FMNL2: variants seen among roughly 807,000 people sequenced by gnomAD.
FMNL2 encodes the protein formin-like protein 2.
FMNL2 carries 51 observed loss-of-function variants against 130.2 expected under a neutral mutation model. The observed-to-expected ratio is 0.39, with a 90% CI of 0.31 to 0.49. The LOEUF (loss-of-function observed/expected upper bound fraction) is 0.49. Among genes scored for constraint, FMNL2 ranks in the 20% least tolerant of loss-of-function variants. FMNL2 has a pLI of 0.85. For synonymous variants in FMNL2, 465 were observed against 467.1 expected, an observed-to-expected ratio of 1.00 and a Z score of 0.06; for missense variants, 977 against 1,316.2, an observed-to-expected ratio of 0.74 and a Z score of 3.99.
At position 152,519,805 on chromosome 2, in the gene FMNL2, A is replaced by G. The variant is rs1692982287; in HGVS notation, c.118-2138A>G. Among the ~76,000 whole-genome samples, 2 of 152,238 alleles carry G rather than the reference A, an allele frequency of 1.3e-5. 1 individual carries two copies. Among genetic ancestry groups the G allele is most frequent in the South Asian group, 4.1e-4 (2 of 4,836 alleles). ...TTGAATGGAGTACTTGGCACCTTGT[A>G]GGAGTTCAGGCATTCTTTTTCTTAT... On this transcript the variant is annotated intron_variant, in intron 1 of 25. Coordinates refer to ENST00000288670, the MANE Select transcript of FMNL2 (RefSeq NM_052905.4).
intron 1 of FMNL2, among the ~76,000 whole-genome samples, chr2:152,368,611 A>G (rs1478868563): frequency 2.6e-5 from 4 of 152,144 alleles, no homozygotes; most frequent in African/African-American, 7.2e-5. Context: ...CTTCAGGCTA[A>G]TTTTACAATA....
intron 1 of FMNL2, among the ~76,000 whole-genome samples, chr2:152,354,362 A>G (rs985236715): frequency 6.6e-6 from 1 of 150,768 alleles, no homozygotes; most frequent in Non-Finnish European, 1.5e-5. Context: ...TAACTTGTAT[A>G]TAGATGGTTT....
At chr2:152,545,442 C>A (rs1425448260) in intron 3 of FMNL2, among the ~76,000 whole-genome samples, 2 of 152,086 alleles carry the variant, frequency 1.3e-5, no homozygotes, top group Non-Finnish European at 2.9e-5. Context: ...TAAGCATTTT[C>A]TATTTAGATT....
chr2:152,589,993 ATATG>A (rs1433490349), intron 9 of FMNL2, among the ~76,000 whole-genome samples: 19 of 114,610 alleles, frequency 1.7e-4, no homozygotes, highest in African/African-American at 5.5e-4. Flanking sequence ...ATGTATATGT[ATATG>A]TATATATATA....
chr2:152,580,813 A>G, intron 8 of FMNL2, 143 bp from the exon 9 acceptor site: 1 of 693,090 alleles, frequency 1.4e-6, no homozygotes, highest in Non-Finnish European at 2.4e-6. Context: ...TTAAAAATGT[A>G]CTTTGATTAA....
At position 152,649,497 on chromosome 2, in the gene FMNL2, A is replaced by G. The variant is rs1470197748; in HGVS notation, c.*1592A>G. 4 of 152,598 alleles carry G rather than the reference A, an allele frequency of 2.6e-5. No homozygotes were observed. The highest frequency in any genetic ancestry group is 7.2e-5 in the African/African-American group (3 of 41,422). The allele number at this position is 152,598 out of a possible 1,614,324, so 9.5% of individuals were successfully genotyped here. On this transcript the variant is annotated 3_prime_UTR_variant, in exon 26 of 26. Coordinates refer to ENST00000288670, the MANE Select transcript of FMNL2 (RefSeq NM_052905.4). ...AACTGCCACCTGCGGGCACATTCCC[A>G]TAAATGTGTACTTTACTTTAAAAAG...
intron 1 of FMNL2, among the ~76,000 whole-genome samples, chr2:152,487,422 C>G (rs527861639): frequency 1.4e-4 from 21 of 152,282 alleles, no homozygotes; most frequent in African/African-American, 3.9e-4. Context: ...AAACCTAATA[C>G]TGACTTACAA....
chr2:152,360,014 GGAAAGT>G (rs1239729585), intron 1 of FMNL2, among the ~76,000 whole-genome samples: 1 of 152,148 alleles, frequency 6.6e-6, no homozygotes, highest in Non-Finnish European at 1.5e-5. Flanking sequence ...ATACAAGTTG[GGAAAGT>G]GACATCCTTC....
intron 1 of FMNL2, among the ~76,000 whole-genome samples, chr2:152,429,994 A>T (rs768162006): frequency 2.6e-5 from 4 of 152,212 alleles, no homozygotes; most frequent in Non-Finnish European, 5.9e-5. Context: ...ACCATGGCAT[A>T]CGTCGTTTAC....
chr2:152,535,328 C>G (rs1327491350), intron 2 of FMNL2, among the ~76,000 whole-genome samples: 3 of 152,336 alleles, frequency 2.0e-5, no homozygotes, highest in Non-Finnish European at 4.4e-5. Flanking sequence ...CCCAGGATAT[C>G]TGTGCACTGC....
chr2:152,424,530 A>G (rs1687087812), intron 1 of FMNL2, among the ~76,000 whole-genome samples: 1 of 152,004 alleles, frequency 6.6e-6, no homozygotes, highest in African/African-American at 2.4e-5. Flanking sequence ...AGCTGGGATT[A>G]CAGGCGTGCG....
chr2:152,444,015 A>T (rs1425596092), intron 1 of FMNL2, among the ~76,000 whole-genome samples: 3 of 152,120 alleles, frequency 2.0e-5, no homozygotes, highest in Non-Finnish European at 4.4e-5. Context: ...TACGCTAGAC[A>T]CTGAGGGTTC....
intron 1 of FMNL2, among the ~76,000 whole-genome samples, chr2:152,406,837 A>T (rs6718337): frequency 6.6e-6 from 1 of 152,136 alleles, no homozygotes; most frequent in Non-Finnish European, 1.5e-5. Flanking sequence ...TTCTCACATT[A>T]CTTCCTGGTG....
At chr2:152,468,227 A>G (rs1349412515) in intron 1 of FMNL2, among the ~76,000 whole-genome samples, 2 of 151,964 alleles carry the variant, frequency 1.3e-5, no homozygotes, top group Non-Finnish European at 2.9e-5. Context: ...CTGATACATA[A>G]TGAGATTTCT....
intron 12 of FMNL2, among the ~76,000 whole-genome samples, chr2:152,616,222 C>G (rs62179597): frequency 0.18 from 27,679 of 152,086 alleles, 3,266 homozygotes; most frequent in Non-Finnish European, 0.27. Context: ...CTCCTGAAGC[C>G]TCAGCCAACA....
intron 15 of FMNL2, among the ~76,000 whole-genome samples, chr2:152,623,355 T>C (rs1681499796): frequency 6.6e-6 from 1 of 152,198 alleles, no homozygotes; most frequent in Non-Finnish European, 1.5e-5. Flanking sequence ...GAACATCTGT[T>C]TTCCTGGGTA....
chr2:152,615,009 A>T lies in FMNL2; in HGVS notation c.1212+9A>T. 1 of 1,605,512 alleles carries T rather than the reference A, an allele frequency of 6.2e-7. No homozygotes were observed. Among genetic ancestry groups the T allele is most frequent in the Non-Finnish European group, 8.5e-7 (1 of 1,178,004 alleles). Reference sequence around the variant, plus strand: ...AAGAAAACATTTCTCATGTAACTATATCTCAGAAAAGGAAAAATTGCTTAC... The same window carrying T: ...AAGAAAACATTTCTCATGTAACTATTTCTCAGAAAAGGAAAAATTGCTTAC... On this transcript the variant is annotated intron_variant, in intron 12 of 25. Transcript: ENST00000288670.
At chr2:152,338,642 T>C (rs1681612698) in intron 1 of FMNL2, among the ~76,000 whole-genome samples, 1 of 152,188 alleles carries the variant, frequency 6.6e-6, no homozygotes, top group South Asian at 2.1e-4. Context: ...AGTTAGTGAC[T>C]AGCAAAAATT....
At position 152,352,713 on chromosome 2, in the gene FMNL2, C is replaced by CT. The variant is rs70974853; in HGVS notation, c.117+17007dup. On this transcript the variant is annotated intron_variant, in intron 1 of 25. Coordinates refer to ENST00000288670, the MANE Select transcript of FMNL2 (RefSeq NM_052905.4). ...AGGCCAAATAAGCTTGTGATCAAAT[C>CT]TTTTTTTTTTTTTTCTAGTAACAGT... Among the ~76,000 whole-genome samples the CT allele has an allele frequency of 2.4e-3, 346 of 145,896 alleles. 1 individual carries two copies. Among genetic ancestry groups the CT allele is most frequent in the African/African-American group, 2.9e-3 (116 of 40,202 alleles).
Sources: gnomAD v4.1 joint callset for allele counts (sites outside exome capture counted in the v4.1 genomes callset) on GRCh38, gnomAD v4.1.1 for gene constraint, MANE v1.5 for transcripts, NCBI Gene and HGNC (gene_info 2026-07-23, HGNC 2026-07-21) for gene names.